SP140: variants seen among roughly 807,000 people sequenced by gnomAD.
The protein encoded by SP140 is nuclear body protein SP140.
Under a neutral mutation model 125.0 loss-of-function variants are expected in SP140, and 81 were observed. That is an observed-to-expected ratio of 0.65 (90% CI 0.54 to 0.78). The LOEUF is 0.78. Ranked by LOEUF, SP140 falls within the 30% of genes least tolerant of loss-of-function variation. The pLI is 0.00. For synonymous variants in SP140, 312 were observed against 354.0 expected (o/e 0.88, Z 1.33); for missense variants, 858 against 1,037.0 (o/e 0.83, Z 2.37).
downstream of SP140, among the ~76,000 whole-genome samples, chr2:230,313,416 G>C (rs1207441043): frequency 6.6e-6 from 1 of 152,166 alleles, no homozygotes; most frequent in African/African-American, 2.4e-5. Context: ...CCGGGGTCAA[G>C]TGGAACCAGC....
At position 230,297,427 on chromosome 2, in the gene SP140, C is replaced by T. The variant is rs1434166703; in HGVS notation, c.2023C>T (p.Leu675=). The part of the protein sequence containing the change: ...RIRYRKKKRI[L]KSQNNSSVDP... ...CTTTCTGTTTTTTCAACAGAGAATA[C>T]TGAAGTCTCAAAACAATAGCTCAGT... The change falls in exon 22 of 27, where the codon CTG becomes TTG. Residue 675 remains leucine (L), a synonymous_variant. Transcript: ENST00000392045. The T allele has an allele frequency of 3.7e-6, 6 of 1,613,714 alleles. No individual in the cohort carries two copies. The African/African-American group carries it at 5.3e-5, about 14-fold the overall frequency.
chr2:230,209,660 C>T (rs1426102333), intron 1 of SP140, among the ~76,000 whole-genome samples: 9 of 152,162 alleles, frequency 5.9e-5, no homozygotes, highest in Admixed American at 5.9e-4. Flanking sequence ...GCAATTAACA[C>T]TCTAAGAAGT....
At chr2:230,288,463 T>C (rs919006143) in intron 18 of SP140, among the ~76,000 whole-genome samples, 6 of 57,878 alleles carry the variant, frequency 1.0e-4, no homozygotes, top group Non-Finnish European at 1.6e-4. Flanking sequence ...CTATCTTTCT[T>C]TCTTTCTTTC....
At chr2:230,203,057 T>A (rs1318498052), upstream of SP140, 1 of 378,708 alleles carries the variant, frequency 2.6e-6, no homozygotes, top group Non-Finnish European at 5.0e-6. Context: ...CAGTCTCGTC[T>A]AGGTGGAGAG....
the SP140 span, among the ~76,000 whole-genome samples, chr2:230,196,310 A>G: frequency 6.6e-6 from 1 of 152,176 alleles, no homozygotes; most frequent in Non-Finnish European, 1.5e-5. Flanking sequence ...GTCCACTAGT[A>G]GGTGATTATT....
At chr2:230,223,566 A>C (rs2045991254), upstream of SP140, among the ~76,000 whole-genome samples, 1 of 152,210 alleles carries the variant, frequency 6.6e-6, no homozygotes, top group Non-Finnish European at 1.5e-5. Flanking sequence ...CTGACTGATA[A>C]AAATGTTGGG....
intron 11 of SP140, among the ~76,000 whole-genome samples, chr2:230,254,678 C>T (rs543617844): frequency 6.6e-6 from 1 of 152,332 alleles, no homozygotes; most frequent in East Asian, 1.9e-4. Context: ...TGCTTTAGCA[C>T]AATTGTTATT....
chr2:230,276,095 G>T (rs2054667000), intron 15 of SP140, among the ~76,000 whole-genome samples: 1 of 152,176 alleles, frequency 6.6e-6, no homozygotes, highest in Admixed American at 6.5e-5. Flanking sequence ...GCTGCAGAAG[G>T]TTGTCCAGAA....
At chr2:230,214,439 G>A (rs1235679650) in intron 3 of SP140, among the ~76,000 whole-genome samples, 1 of 152,170 alleles carries the variant, frequency 6.6e-6, no homozygotes, top group Non-Finnish European at 1.5e-5. Context: ...GTAATTTTGG[G>A]AAGATTACCT....
intron 1 of SP140, among the ~76,000 whole-genome samples, chr2:230,208,836 G>T (rs955268323): frequency 6.6e-6 from 1 of 152,190 alleles, no homozygotes; most frequent in Non-Finnish European, 1.5e-5. Flanking sequence ...TTGCCAGAGA[G>T]TTCTAGGAAA....
intron 7 of SP140, 98 bp from the exon 8 acceptor site, chr2:230,247,818 G>C (rs1559248810): frequency 7.8e-7 from 1 of 1,277,218 alleles, no homozygotes; most frequent in East Asian, 2.3e-5. Flanking sequence ...GCTTGAAAAA[G>C]TCACCTTGTT....
chr2:230,220,780 G>T (rs776169732), upstream of SP140, among the ~76,000 whole-genome samples: 16 of 152,166 alleles, frequency 1.1e-4, no homozygotes, highest in Non-Finnish European at 2.4e-4. Flanking sequence ...AAGATGGGAG[G>T]ATTGCTTGAG....
intron 4 of SP140, among the ~76,000 whole-genome samples, chr2:230,241,707 A>G (rs550357849): frequency 7.2e-4 from 109 of 152,372 alleles, no homozygotes; most frequent in African/African-American, 2.5e-3. Flanking sequence ...CCATTGGTGG[A>G]GAATATAAGA....
chr2:230,201,443 G>C (rs1422103833), upstream of SP140, among the ~76,000 whole-genome samples: 2 of 152,032 alleles, frequency 1.3e-5, no homozygotes, highest in African/African-American at 2.4e-5. Flanking sequence ...ATCTCAGCAG[G>C]AATCACTGCA....
chr2:230,240,588 A>G (rs982196374), intron 3 of SP140, among the ~76,000 whole-genome samples: 4 of 152,246 alleles, frequency 2.6e-5, no homozygotes, highest in Admixed American at 6.5e-5. Flanking sequence ...CATGAGGGAA[A>G]TGCAAATTAA....
chr2:230,228,908 G>A lies in SP140; in HGVS notation c.59+3005G>A, dbSNP rs575597957. ...TGGCATTAAAGTGATTATTAATATA[G>A]TTAGATTAATATCTACCACATTTGT... On this transcript the variant is annotated intron_variant, in intron 1 of 26. Transcript: ENST00000392045. Among the ~76,000 whole-genome samples, 46 of 152,126 alleles carry A rather than the reference G, an allele frequency of 3.0e-4. 1 individual carries two copies. Among genetic ancestry groups the A allele is most frequent in the Admixed American group, 2.7e-3 (42 of 15,288 alleles).
At chr2:230,257,297 G>T (rs191204402) in intron 12 of SP140, among the ~76,000 whole-genome samples, 1 of 151,956 alleles carries the variant, frequency 6.6e-6, no homozygotes, top group African/African-American at 2.4e-5. Flanking sequence ...GAGATATCCA[G>T]AAAAATAGAG....
chr2:230,248,782 CAG>C (rs2049905540), intron 8 of SP140, 101 bp from the exon 9 acceptor site: 10 of 860,580 alleles, frequency 1.2e-5, no homozygotes, highest in South Asian at 4.4e-5. Flanking sequence ...CGGAACAAGA[CAG>C]GGGTGGCTCT....
At chr2:230,294,135 G>T in intron 20 of SP140, 136 bp from the exon 21 acceptor site, 1 of 676,164 alleles carries the variant, frequency 1.5e-6, no homozygotes, top group South Asian at 1.7e-5. Context: ...CAGGGAGATG[G>T]TTTCTCATTA....
Sources: gnomAD v4.1 joint callset for allele counts (sites outside exome capture counted in the v4.1 genomes callset) on GRCh38, gnomAD v4.1.1 for gene constraint, MANE v1.5 for transcripts, NCBI Gene and HGNC (gene_info 2026-07-23, HGNC 2026-07-21) for gene names.